Variants in NLGN1 observed in about 807,000 individuals in gnomAD.
NLGN1 encodes the protein neuroligin 1.
Under a neutral mutation model 65.5 loss-of-function variants are expected in NLGN1, and 12 were observed. That is an observed-to-expected ratio of 0.18 (90% CI 0.12 to 0.30). The LOEUF (loss-of-function observed/expected upper bound fraction) is 0.30, where lower values mean the gene tolerates loss of function less well. Ranked by LOEUF, NLGN1 falls within the 10% of genes least tolerant of loss-of-function variation. The pLI is 1.00. For synonymous variants in NLGN1, 350 were observed against 359.5 expected (o/e 0.97, Z 0.30); for missense variants, 750 against 1,007.1 (o/e 0.74, Z 3.46).
chr3:173,790,371 A>C (rs1440415468), intron 3 of NLGN1, among the ~76,000 whole-genome samples: 2 of 152,226 alleles, frequency 1.3e-5, no homozygotes, highest in African/African-American at 2.4e-5. Flanking sequence ...ATATTGGACA[A>C]ATTTATCATC....
chr3:173,854,666 A>T (rs1167462368), intron 4 of NLGN1, among the ~76,000 whole-genome samples: 1 of 152,132 alleles, frequency 6.6e-6, no homozygotes, highest in Non-Finnish European at 1.5e-5. Context: ...ATTTTTATAA[A>T]TATTGAAGTT....
At chr3:173,635,906 T>C (rs1756498815) in intron 3 of NLGN1, among the ~76,000 whole-genome samples, 1 of 152,110 alleles carries the variant, frequency 6.6e-6, no homozygotes, top group South Asian at 2.1e-4. Flanking sequence ...ATGGAATCTA[T>C]TAATAAATAG....
chr3:173,563,862 T>A (rs1577294580), intron 2 of NLGN1, among the ~76,000 whole-genome samples: 1 of 152,314 alleles, frequency 6.6e-6, no homozygotes, highest in East Asian at 1.9e-4. Flanking sequence ...TCTTTGTCCC[T>A]CTACAACCAG....
At chr3:173,453,605 G>A (rs1399289914) in intron 2 of NLGN1, among the ~76,000 whole-genome samples, 1 of 151,984 alleles carries the variant, frequency 6.6e-6, no homozygotes, top group Non-Finnish European at 1.5e-5. Context: ...ATCTTCTCTG[G>A]AAGATTCTGT....
At chr3:174,232,734 A>T (rs542663389) in intron 4 of NLGN1, among the ~76,000 whole-genome samples, 4 of 152,318 alleles carry the variant, frequency 2.6e-5, no homozygotes, top group African/African-American at 9.6e-5. Flanking sequence ...ACAGATTAAG[A>T]GAGAAAGGAA....
chr3:174,146,173 CTCTT>C (rs1384062260), intron 4 of NLGN1, among the ~76,000 whole-genome samples: 1 of 147,096 alleles, frequency 6.8e-6, no homozygotes, highest in Non-Finnish European at 1.5e-5. Context: ...CCCTCCCTTC[CTCTT>C]TCTTTCCTTC....
intron 4 of NLGN1, among the ~76,000 whole-genome samples, chr3:174,146,151 T>TCCTTCCTC (rs1561152831): frequency 6.7e-5 from 9 of 134,344 alleles, no homozygotes; most frequent in African/African-American, 2.9e-4. Context: ...CTTCCTTCCT[T>TCCTTCCTC]CCTCTCTCCC....
chr3:173,539,662 T>TATATGTACATATATACATATATGTGC (rs745397560), intron 2 of NLGN1, among the ~76,000 whole-genome samples: 11 of 116,136 alleles, frequency 9.5e-5, no homozygotes, highest in African/African-American at 4.6e-4. Flanking sequence ...CATATGTGTA[T>TATATGTACATATATACATATATGTGC]ATATGCACAT....
intron 4 of NLGN1, among the ~76,000 whole-genome samples, chr3:173,924,335 T>C (rs1742619193): frequency 6.6e-6 from 1 of 152,128 alleles, no homozygotes; most frequent in African/African-American, 2.4e-5. Context: ...AAAAATGTAT[T>C]TCATTAAAAT....
chr3:174,175,618 A>T (rs1469317830), intron 4 of NLGN1, among the ~76,000 whole-genome samples: 1 of 151,938 alleles, frequency 6.6e-6, no homozygotes, highest in African/African-American at 2.4e-5. Context: ...CTACTCCTAG[A>T]ACCCTCTGAT....
At chr3:174,281,517 T>C in exon 7 of NLGN1, 1 of 446,254 alleles carries the variant, frequency 2.2e-6, no homozygotes, top group Non-Finnish European at 4.0e-6. Context: ...GCAATTGTTC[T>C]GAATGATACT....
intron 4 of NLGN1, among the ~76,000 whole-genome samples, chr3:173,884,114 T>A (rs1416223824): frequency 4.6e-5 from 7 of 152,110 alleles, no homozygotes; most frequent in Non-Finnish European, 1.5e-5. Context: ...TGTTTGGCCT[T>A]TATCGTGCTG....
At chr3:173,554,768 C>A (rs1741443853) in intron 2 of NLGN1, among the ~76,000 whole-genome samples, 1 of 152,112 alleles carries the variant, frequency 6.6e-6, no homozygotes, top group Admixed American at 6.5e-5. Flanking sequence ...AGTGGAATTT[C>A]TGGTTTTTAG....
intron 3 of NLGN1, among the ~76,000 whole-genome samples, chr3:173,712,106 T>C (rs1769085109): frequency 1.3e-5 from 2 of 152,206 alleles, no homozygotes; most frequent in African/African-American, 2.4e-5. Flanking sequence ...GACATACTTC[T>C]ATGACTGCTT....
At chr3:174,204,853 T>A (rs1004908211) in intron 4 of NLGN1, among the ~76,000 whole-genome samples, 46 of 152,038 alleles carry the variant, frequency 3.0e-4, no homozygotes, top group African/African-American at 1.1e-3. Context: ...AAACAGGTTT[T>A]TTTTTTAGAT....
rs1452455851 is a variant in NLGN1 at position 174,279,664 on chromosome 3, G to A, written c.1649+14G>A. The A allele has an allele frequency of 1.4e-6, 2 of 1,450,274 alleles. No individual in the cohort carries two copies. Among genetic ancestry groups the A allele is most frequent in the Non-Finnish European group, 1.9e-6 (2 of 1,061,184 alleles). The allele number at this position is 1,450,274 out of a possible 1,614,324, so 89.8% of individuals were successfully genotyped here. On this transcript the variant is annotated intron_variant, in intron 6 of 6. Transcript: ENST00000457714. The surrounding 1 kb of genome is among the most constrained non-coding windows in gnomAD (Gnocchi z 4.7). ...TGCTAAAACTGGGTATGTACCTAAGGAATGAAGTTTATTTTTAATAAAAAT... is the reference window on the plus strand; with the variant it reads ...TGCTAAAACTGGGTATGTACCTAAGAAATGAAGTTTATTTTTAATAAAAAT...
intron 4 of NLGN1, among the ~76,000 whole-genome samples, chr3:174,140,997 C>T (rs1722180454): frequency 6.6e-6 from 1 of 151,868 alleles, no homozygotes; most frequent in Non-Finnish European, 1.5e-5. Flanking sequence ...AGTTAAAAGC[C>T]AAATAGTGCA....
At chr3:173,576,301 T>G (rs907040770) in intron 2 of NLGN1, among the ~76,000 whole-genome samples, 1 of 152,194 alleles carries the variant, frequency 6.6e-6, no homozygotes, top group Non-Finnish European at 1.5e-5. Flanking sequence ...TTAATATCTT[T>G]AATATTTTTA....
At chr3:173,654,650 C>G (rs1203144540) in intron 3 of NLGN1, among the ~76,000 whole-genome samples, 1 of 152,024 alleles carries the variant, frequency 6.6e-6, no homozygotes, top group Non-Finnish European at 1.5e-5. Flanking sequence ...ACTCTCCTAC[C>G]GTCCAAAAGC....
Sources: allele counts gnomAD v4.1 joint callset (sites outside exome capture counted in the v4.1 genomes callset), GRCh38; gene constraint gnomAD v4.1.1; non-coding constraint Gnocchi (gnomAD v3.1); transcripts MANE v1.5; gene names NCBI Gene and HGNC (gene_info 2026-07-23, HGNC 2026-07-21).